Variants in EPHA7 observed in about 807,000 individuals in gnomAD.
The protein encoded by EPHA7 is ephrin type-A receptor 7.
EPHA7 carries 25 observed loss-of-function variants against 112.6 expected under a neutral mutation model. That is an observed-to-expected ratio of 0.22 (90% confidence interval 0.16 to 0.31). The LOEUF (loss-of-function observed/expected upper bound fraction) is 0.31. EPHA7 is among the 10% of genes least tolerant of loss of function. The pLI is 1.00. For missense variants in EPHA7, 962 were observed against 1,212.6 expected (o/e 0.79, Z 3.07); for synonymous variants, 437 against 406.5 (o/e 1.07, Z -0.90).
chr6:93,366,855 A>G (rs543276840), intron 3 of EPHA7, among the ~76,000 whole-genome samples: 2 of 152,266 alleles, frequency 1.3e-5, no homozygotes, highest in South Asian at 4.1e-4. Flanking sequence ...AAAAGGAAAG[A>G]TTCAAAATGA....
At chr6:93,401,362 T>C (rs1778429593) in intron 3 of EPHA7, among the ~76,000 whole-genome samples, 1 of 152,104 alleles carries the variant, frequency 6.6e-6, no homozygotes, top group Non-Finnish European at 1.5e-5. Flanking sequence ...TAATAAACCT[T>C]CCATAACTCT....
intron 3 of EPHA7, among the ~76,000 whole-genome samples, chr6:93,408,362 A>G (rs1164111808): frequency 6.6e-6 from 1 of 152,102 alleles, no homozygotes; most frequent in Non-Finnish European, 1.5e-5. Flanking sequence ...GTCAACAGGA[A>G]CGCTGCCTTT....
intron 5 of EPHA7, among the ~76,000 whole-genome samples, chr6:93,333,824 T>C (rs180793088): frequency 4.6e-5 from 7 of 151,994 alleles, no homozygotes; most frequent in East Asian, 3.9e-4. Flanking sequence ...AAACATTCCA[T>C]GCTAAATGAT....
chr6:93,334,065 C>G (rs982303576), intron 5 of EPHA7, among the ~76,000 whole-genome samples: 5 of 151,758 alleles, frequency 3.3e-5, no homozygotes, highest in African/African-American at 1.2e-4. Context: ...GGTATTGGTA[C>G]AAAACTAGAC....
chr6:93,393,566 A>G (rs560924855), intron 3 of EPHA7, among the ~76,000 whole-genome samples: 2 of 151,968 alleles, frequency 1.3e-5, no homozygotes, highest in South Asian at 2.1e-4. Flanking sequence ...ACACTGATTA[A>G]CATATTTTTT....
intron 5 of EPHA7, among the ~76,000 whole-genome samples, chr6:93,316,054 T>C (rs1773794169): frequency 6.6e-6 from 1 of 152,108 alleles, no homozygotes; most frequent in Admixed American, 6.5e-5. Context: ...GAGGGTACAA[T>C]GAGAACATAT....
intron 12 of EPHA7, 65 bp downstream of exon 12, chr6:93,257,397 T>C (rs1198888609): frequency 6.3e-6 from 8 of 1,275,086 alleles, no homozygotes; most frequent in Non-Finnish European, 8.8e-6. Context: ...GCAAAAAAAG[T>C]TCATAAAATT....
chr6:93,327,904 C>T (rs1774401460), intron 5 of EPHA7, among the ~76,000 whole-genome samples: 1 of 151,488 alleles, frequency 6.6e-6, no homozygotes, highest in Non-Finnish European at 1.5e-5. Flanking sequence ...TTAAATCCCT[C>T]CAATGGCTTT....
chr6:93,399,225 T>G (rs1052465238), intron 3 of EPHA7, among the ~76,000 whole-genome samples: 1 of 152,082 alleles, frequency 6.6e-6, no homozygotes, highest in African/African-American at 2.4e-5. Flanking sequence ...TCCTAATCAT[T>G]AATTGCTAAA....
chr6:93,382,853 TA>T (rs1777408155), intron 3 of EPHA7, among the ~76,000 whole-genome samples: 1 of 152,122 alleles, frequency 6.6e-6, no homozygotes, highest in Non-Finnish European at 1.5e-5. Flanking sequence ...TTTCAAAAGG[TA>T]TCACTACCAT....
chr6:93,403,884 T>C (rs745496671), intron 3 of EPHA7, among the ~76,000 whole-genome samples: 7 of 152,176 alleles, frequency 4.6e-5, no homozygotes, highest in African/African-American at 7.2e-5. Context: ...TCTTCAAGAA[T>C]GCATATAATT....
At chr6:93,373,023 T>C (rs1166759615) in intron 3 of EPHA7, among the ~76,000 whole-genome samples, 1 of 152,044 alleles carries the variant, frequency 6.6e-6, no homozygotes, top group African/African-American at 2.4e-5. Context: ...AGAGTGCATA[T>C]GTCTTCAACA....
intron 3 of EPHA7, among the ~76,000 whole-genome samples, chr6:93,359,876 GATAGATAGAT>G (rs1371832113): frequency 2.1e-4 from 23 of 108,570 alleles, no homozygotes; most frequent in African/African-American, 7.4e-4. Flanking sequence ...GAGAGAGAGA[GATAGATAGAT>G]AGATAGATAG....
intron 1 of EPHA7, among the ~76,000 whole-genome samples, chr6:93,416,831 G>C (rs1440850715): frequency 6.6e-6 from 1 of 152,036 alleles, no homozygotes; most frequent in South Asian, 2.1e-4. Flanking sequence ...GACAGACCCA[G>C]GCAACGACCG....
intron 3 of EPHA7, among the ~76,000 whole-genome samples, chr6:93,380,792 C>T (rs867318928): frequency 1.3e-5 from 2 of 152,186 alleles, no homozygotes; most frequent in South Asian, 4.1e-4. Context: ...AGATAACTTT[C>T]CACCCAGTAA....
chr6:93,378,725 G>C (rs925292728), intron 3 of EPHA7, among the ~76,000 whole-genome samples: 1 of 152,116 alleles, frequency 6.6e-6, no homozygotes, highest in Non-Finnish European at 1.5e-5. Flanking sequence ...GGCTCAGAGA[G>C]ATTAAGTAAC....
chr6:93,374,420 A>G (rs1227689478), intron 3 of EPHA7, among the ~76,000 whole-genome samples: 1 of 152,182 alleles, frequency 6.6e-6, no homozygotes, highest in Admixed American at 6.6e-5. Flanking sequence ...TTGCAAGATC[A>G]TATTTTTCTA....
intron 5 of EPHA7, among the ~76,000 whole-genome samples, chr6:93,274,717 G>A (rs1001651755): frequency 1.3e-5 from 2 of 151,780 alleles, no homozygotes; most frequent in Non-Finnish European, 2.9e-5. Context: ...TGGCCCTTGA[G>A]AATGGATAAA....
At chr6:93,344,190 G>A (rs748704049) in intron 5 of EPHA7, among the ~76,000 whole-genome samples, 3 of 151,538 alleles carry the variant, frequency 2.0e-5, no homozygotes, top group African/African-American at 7.3e-5. Flanking sequence ...GTCCTTTGAT[G>A]TTATAGCATT....
Sources: allele counts gnomAD v4.1 joint callset (sites outside exome capture counted in the v4.1 genomes callset), GRCh38; gene constraint gnomAD v4.1.1; transcripts MANE v1.5; gene names NCBI Gene and HGNC (gene_info 2026-07-23, HGNC 2026-07-21).